Variants in MTTP observed in about 807,000 individuals in gnomAD.
MTTP encodes the protein microsomal triglyceride transfer protein large subunit.
Under a neutral mutation model 90.6 loss-of-function variants are expected in MTTP, and 49 were observed. The ratio of observed to expected loss-of-function variants is 0.54; its 90% confidence interval spans 0.43 to 0.69. The LOEUF (loss-of-function observed/expected upper bound fraction) is 0.69, where lower values mean the gene tolerates loss of function less well. Among genes scored for constraint, MTTP ranks in the 30% least tolerant of loss-of-function variants. The pLI is 0.00. For missense variants in MTTP, 945 were observed against 1,067.5 expected (o/e 0.89, Z 1.60); for synonymous variants, 347 against 384.2 (o/e 0.90, Z 1.13).
At chr4:99,599,567 C>T (rs755847265) in intron 8 of MTTP, among the ~76,000 whole-genome samples, 47 of 152,268 alleles carry the variant, frequency 3.1e-4, no homozygotes, top group Admixed American at 2.1e-3. Flanking sequence ...TTATCAATCA[C>T]TTACTATATG....
chr4:99,566,877 T>C (rs1012974540), intron 1 of MTTP, among the ~76,000 whole-genome samples: 16 of 152,182 alleles, frequency 1.1e-4, no homozygotes, highest in Non-Finnish European at 1.9e-4. Context: ...TTTCAAAACA[T>C]TGGGCAATCA....
chr4:99,567,802 A>G, intron 1 of MTTP, among the ~76,000 whole-genome samples: 1 of 152,202 alleles, frequency 6.6e-6, no homozygotes, highest in Non-Finnish European at 1.5e-5. Context: ...CACGTGTGTC[A>G]TTTTATGAAA....
chr4:99,583,965 G>A (rs368102761), intron 3 of MTTP: 3 of 186,140 alleles, frequency 1.6e-5, no homozygotes, highest in African/African-American at 2.4e-5. Context: ...TAAAGTACAA[G>A]GTTAAAGATT....
intron 3 of MTTP, among the ~76,000 whole-genome samples, chr4:99,584,348 C>A (rs72908704): frequency 6.6e-6 from 1 of 151,994 alleles, no homozygotes; most frequent in Non-Finnish European, 1.5e-5. Context: ...TAATTCCATA[C>A]GTCTCTGAAA....
intron 12 of MTTP, among the ~76,000 whole-genome samples, chr4:99,610,167 A>G (rs1413711825): frequency 6.6e-6 from 1 of 152,118 alleles, no homozygotes; most frequent in East Asian, 1.9e-4. Flanking sequence ...CCCTCTCCCG[A>G]TGACAGGAAG....
chr4:99,582,066 G>C lies in MTTP; in HGVS notation c.223G>C (p.Asp75His). ...VALLWRNPDG[D>H]DDQLIQITMK... ...CTTACTATGGAGGAATCCTGATGGT[G>C]ATGATGACCAGTTGATCCAAATAAC... is the stretch of plus-strand genomic sequence containing the variant. Residue 75 changes from aspartate to histidine, a missense_variant, in exon 2 of 18, where the codon GAT becomes CAT. By Grantham distance (81) the Asp-to-His change is moderately conservative. Transcript: ENST00000265517. 2 of 1,614,144 alleles carry C rather than the reference G, an allele frequency of 1.2e-6. No individual in the cohort carries two copies. The highest frequency in any genetic ancestry group is 1.6e-4 in the Middle Eastern group (1 of 6,062).
chr4:99,567,160 T>C (rs1028607607), intron 1 of MTTP, among the ~76,000 whole-genome samples: 3 of 152,222 alleles, frequency 2.0e-5, no homozygotes, highest in African/African-American at 7.2e-5. Context: ...TACATACTTA[T>C]ACATACATAT....
At chr4:99,581,533 C>T (rs1396070782) in intron 1 of MTTP, among the ~76,000 whole-genome samples, 1 of 152,054 alleles carries the variant, frequency 6.6e-6, no homozygotes, top group Non-Finnish European at 1.5e-5. Context: ...TTACGAATGG[C>T]TCATATTAAA....
intron 1 of MTTP, among the ~76,000 whole-genome samples, chr4:99,580,760 T>A (rs749357941): frequency 3.3e-5 from 5 of 152,098 alleles, no homozygotes; most frequent in Non-Finnish European, 5.9e-5. Context: ...AACATGCAGA[T>A]GATGGATTTT....
intron 3 of MTTP, among the ~76,000 whole-genome samples, chr4:99,587,618 A>G (rs985435038): frequency 6.6e-6 from 1 of 152,194 alleles, no homozygotes; most frequent in African/African-American, 2.4e-5. Flanking sequence ...CTGGAAGGAA[A>G]GTGACATAGT....
intron 6 of MTTP, 50 bp downstream of exon 6, chr4:99,591,840 A>G (rs777823529): frequency 2.1e-6 from 3 of 1,450,326 alleles, no homozygotes; most frequent in Admixed American, 1.8e-5. Flanking sequence ...TTGTTATATT[A>G]TTATACTTGA....
At chr4:99,614,946 G>T (rs2851225) in intron 15 of MTTP, among the ~76,000 whole-genome samples, 18,629 of 152,078 alleles carry the variant, frequency 0.12, 1,138 homozygotes, top group South Asian at 0.2. Flanking sequence ...AGTCACACAT[G>T]AAAAAAACAG....
chr4:99,616,017 A>G (rs1010297641), intron 15 of MTTP, among the ~76,000 whole-genome samples: 4 of 152,096 alleles, frequency 2.6e-5, no homozygotes, highest in African/African-American at 9.7e-5. Context: ...CTTTTTTGCA[A>G]TATTTCTTAG....
At chr4:99,586,466 T>G (rs1725261294) in intron 3 of MTTP, among the ~76,000 whole-genome samples, 1 of 152,108 alleles carries the variant, frequency 6.6e-6, no homozygotes, top group Admixed American at 6.6e-5. Flanking sequence ...GACCTTTATT[T>G]TGTATTGTTT....
At chr4:99,618,800 A>G (rs1726160545) in intron 15 of MTTP, among the ~76,000 whole-genome samples, 174 bp from the exon 16 acceptor site, 1 of 152,188 alleles carries the variant, frequency 6.6e-6, no homozygotes, top group Admixed American at 6.5e-5. Flanking sequence ...AACAGAGTCT[A>G]CTTCCGGTGC....
At chr4:99,566,790 G>A (rs1227641299) in intron 1 of MTTP, among the ~76,000 whole-genome samples, 4 of 152,154 alleles carry the variant, frequency 2.6e-5, no homozygotes, top group Non-Finnish European at 4.4e-5. Flanking sequence ...ATAAGAAGGA[G>A]GCTACAGACA....
At chr4:99,621,021 T>C in intron 16 of MTTP, 40 bp from the exon 17 acceptor site, 7 of 1,586,304 alleles carry the variant, frequency 4.4e-6, no homozygotes, top group East Asian at 2.2e-5. Flanking sequence ...CCATTAAATA[T>C]AATATGAACA....
In MTTP at chr4:99,583,536, T is replaced by G; in HGVS notation, c.393+19T>G. ...TGGAAAGGTAAAGGGGCGTTTAGAT[T>G]CCACAACTTTTTCTCCAACTTCATA... On this transcript the variant is annotated intron_variant, in intron 3 of 17. Transcript: ENST00000265517. The G allele has an allele frequency of 6.2e-7, 1 of 1,613,428 alleles. No individual in the cohort carries two copies. Among genetic ancestry groups the G allele is most frequent in the Non-Finnish European group, 8.5e-7 (1 of 1,179,774 alleles).
At chr4:99,591,523 G>A in intron 5 of MTTP, 128 bp from the exon 6 acceptor site, 1 of 1,144,400 alleles carries the variant, frequency 8.7e-7, no homozygotes, top group Non-Finnish European at 1.3e-6. Flanking sequence ...ATTGTTGTAG[G>A]TGTTAGTAAT....
Sources: gnomAD v4.1 joint callset for allele counts (sites outside exome capture counted in the v4.1 genomes callset) on GRCh38, gnomAD v4.1.1 for gene constraint, MANE v1.5 for transcripts, NCBI Gene and HGNC (gene_info 2026-07-23, HGNC 2026-07-21) for gene names.